The following KIF26B variants were observed in gnomAD, a reference collection of about 807,000 sequenced individuals.
The protein encoded by KIF26B is kinesin-like protein KIF26B.
A neutral mutation model predicts 151.2 loss-of-function variants in KIF26B; 63 were observed. The observed-to-expected ratio is 0.42, with a 90% CI of 0.34 to 0.51. The LOEUF (loss-of-function observed/expected upper bound fraction) is 0.51. KIF26B is among the 20% of genes least tolerant of loss of function. The probability of loss-of-function intolerance (pLI) is 0.07; values close to 1 mark genes in which losing one functional copy is unlikely to be tolerated. For synonymous variants in KIF26B, 1,357 were observed against 1,262.1 expected (o/e 1.08, Z -1.59); for missense variants, 2,813 against 2,913.6 (o/e 0.97, Z 0.79).
At chr1:245,173,006 C>A (rs962479541) in intron 2 of KIF26B, among the ~76,000 whole-genome samples, 1 of 152,216 alleles carries the variant, frequency 6.6e-6, no homozygotes, top group Non-Finnish European at 1.5e-5. Flanking sequence ...ACCCAAGTGT[C>A]TGCTGACACA....
At chr1:245,670,128 A>G (rs10924296) in intron 10 of KIF26B, among the ~76,000 whole-genome samples, 9,948 of 152,064 alleles carry the variant, frequency 0.065, 981 homozygotes, top group African/African-American at 0.21. Flanking sequence ...AAAGCTATTA[A>G]ATAAAATAAA....
In KIF26B at chr1:245,215,215, G is replaced by A. The variant is rs1669619851; in HGVS notation, c.465+58532G>A. Among the ~76,000 whole-genome samples the A allele has an allele frequency of 1.3e-5, 2 of 152,126 alleles. 1 individual carries two copies. The highest frequency in any genetic ancestry group is 4.1e-4 in the South Asian group (2 of 4,826). ...CTGGGTTTCTGGGTGCCAGATGGCAGCCACCATGGGAGGAAGGGTGGCCGA... is the reference window on the plus strand; with the variant it reads ...CTGGGTTTCTGGGTGCCAGATGGCAACCACCATGGGAGGAAGGGTGGCCGA... On this transcript the variant is annotated intron_variant, in intron 2 of 14. Transcript: ENST00000407071.
intron 2 of KIF26B, among the ~76,000 whole-genome samples, chr1:245,201,327 A>G (rs1336959493): frequency 3.9e-5 from 6 of 152,256 alleles, no homozygotes; most frequent in Admixed American, 6.5e-5. Context: ...AATCCTGATC[A>G]TGGAGCAAGC....
chr1:245,397,275 G>T (rs957633623), intron 3 of KIF26B, among the ~76,000 whole-genome samples: 3 of 151,344 alleles, frequency 2.0e-5, no homozygotes, highest in Non-Finnish European at 4.4e-5. Context: ...GGGTGCAATG[G>T]CATGATCCCA....
rs2044782458 is a variant in KIF26B at position 245,702,228 on chromosome 1, A to G, written c.6179-230A>G. Among the ~76,000 whole-genome samples the G allele has an allele frequency of 6.6e-6, 1 of 152,178 alleles. No individual in the cohort carries two copies. Among genetic ancestry groups the G allele is most frequent in the Non-Finnish European group, 1.5e-5 (1 of 68,018 alleles). On this transcript the variant is annotated intron_variant, in intron 14 of 14. Transcript: ENST00000407071. This position sits in a 1 kb window ranked among gnomAD's most constrained non-coding sequence, Gnocchi z 4.1. ...CTAGAATGTCACCTTATTGGTCAGT[A>G]GAATCTCAGAAAAAACCTTAAGGAT...
intron 2 of KIF26B, among the ~76,000 whole-genome samples, chr1:245,210,716 C>T (rs1326698003): frequency 6.6e-6 from 1 of 152,104 alleles, no homozygotes. Flanking sequence ...AGTCCCAGAG[C>T]CTGTGGTAGG....
chr1:245,446,669 A>G (rs1659257106), intron 4 of KIF26B, among the ~76,000 whole-genome samples: 1 of 152,214 alleles, frequency 6.6e-6, no homozygotes, highest in Non-Finnish European at 1.5e-5. Flanking sequence ...AGTAATAGAA[A>G]GAATAACTCC....
At chr1:245,238,040 A>AT (rs34032750) in intron 2 of KIF26B, among the ~76,000 whole-genome samples, 88,027 of 149,150 alleles carry the variant, frequency 0.59, 26,662 homozygotes, top group Non-Finnish European at 0.67. Context: ...AAAAAAAAAA[A>AT]GTTGTTATTT....
chr1:245,477,137 CTTA>C (rs1660057282), intron 4 of KIF26B, among the ~76,000 whole-genome samples: 1 of 151,806 alleles, frequency 6.6e-6, no homozygotes, highest in Non-Finnish European at 1.5e-5. Context: ...TGGTTTCACC[CTTA>C]TTTTTTAATT....
intron 2 of KIF26B, among the ~76,000 whole-genome samples, chr1:245,283,973 G>A (rs115531810): frequency 0.048 from 7,364 of 152,122 alleles, 254 homozygotes; most frequent in African/African-American, 0.087. Flanking sequence ...GGCGTGAGCC[G>A]CTGCGCACCG....
At chr1:245,529,646 G>A (rs965999738) in intron 4 of KIF26B, among the ~76,000 whole-genome samples, 4 of 152,020 alleles carry the variant, frequency 2.6e-5, no homozygotes, top group Non-Finnish European at 5.9e-5. Flanking sequence ...GCAAACATTC[G>A]TAGTTACTTG....
At chr1:245,412,334 G>A (rs561087202) in intron 3 of KIF26B, among the ~76,000 whole-genome samples, 117 of 152,298 alleles carry the variant, frequency 7.7e-4, no homozygotes, top group African/African-American at 2.5e-3. Context: ...TGGGATTTGA[G>A]GAGGGGGAGC....
At chr1:245,252,461 A>G (rs1670462260) in intron 2 of KIF26B, among the ~76,000 whole-genome samples, 1 of 151,986 alleles carries the variant, frequency 6.6e-6, no homozygotes, top group African/African-American at 2.4e-5. Flanking sequence ...GTTACTGTGA[A>G]TGGATTGTTC....
chr1:245,441,970 T>C (rs1277013546), intron 4 of KIF26B, among the ~76,000 whole-genome samples: 1 of 152,208 alleles, frequency 6.6e-6, no homozygotes, highest in Non-Finnish European at 1.5e-5. Context: ...ATCTGGCCCT[T>C]TGATGGCTTT....
intron 4 of KIF26B, among the ~76,000 whole-genome samples, chr1:245,429,635 T>A (rs1768094): frequency 0.23 from 34,635 of 152,054 alleles, 4,166 homozygotes; most frequent in African/African-American, 0.26. Context: ...TTGTTTTGAG[T>A]TGCAGTCTCG....
Position 245,686,794 on chromosome 1 carries a change from G to A in KIF26B, c.3811G>A (p.Ala1271Thr), listed in dbSNP as rs1008076995. The A allele has an allele frequency of 6.8e-6, 11 of 1,613,230 alleles. No individual in the cohort carries two copies. The highest frequency in any genetic ancestry group is 1.3e-5 in the African/African-American group (1 of 74,962). Residue 1271 changes from alanine to threonine, a missense_variant, in exon 12 of 15, where the codon GCA (alanine) becomes ACA (threonine). Physicochemically the swap from Ala to Thr is moderately conservative, Grantham distance 58 (BLOSUM62 0). Transcript: ENST00000407071. The surrounding 1 kb of genome is among the most constrained non-coding windows in gnomAD (Gnocchi z 5.6). ...KMSLDEKAQD[A>T]GSRRSSISSW... The stretch of plus-strand genomic sequence containing the variant: ...GAGCCTGGATGAGAAGGCCCAGGAC[G>A]CAGGGAGCAGACGCTCTTCCATCAG...
At chr1:245,581,766 A>G (rs1423819822) in intron 5 of KIF26B, among the ~76,000 whole-genome samples, 1 of 152,136 alleles carries the variant, frequency 6.6e-6, no homozygotes, top group Non-Finnish European at 1.5e-5. Context: ...TAGAAACCCA[A>G]CAAGGCAGGC....
Position 245,602,626 on chromosome 1 carries a change from A to T in KIF26B, c.1400A>T (p.Glu467Val). The change falls in exon 6 of 15, where the codon GAA (glutamate) becomes GTA (valine). Residue 467 changes from glutamate to valine, a missense_variant. Physicochemically the swap from Glu to Val is moderately radical, Grantham distance 121. Transcript: ENST00000407071. The surrounding 1 kb of genome is among the most constrained non-coding windows in gnomAD (Gnocchi z 4.5). ...TCCACCTTGGCTCGAGATACTTCAGAATCCAGCTCTTTCTTAAAGGTGGAC... is the reference window on the plus strand; with the variant it reads ...TCCACCTTGGCTCGAGATACTTCAGTATCCAGCTCTTTCTTAAAGGTGGAC... ...ICSTLARDTS[E>V]SSSFLKVDPR... is the part of the protein sequence containing the mutation. 6.2e-7 allele frequency: 1 copy of T among 1,614,012 alleles called. No homozygotes were observed. Among genetic ancestry groups the T allele is most frequent in the Non-Finnish European group, 8.5e-7 (1 of 1,179,874 alleles).
intron 2 of KIF26B, among the ~76,000 whole-genome samples, chr1:245,363,157 G>A (rs1358635630): frequency 2.0e-5 from 3 of 152,170 alleles, no homozygotes; most frequent in African/African-American, 7.2e-5. Flanking sequence ...AGGAAAGCAT[G>A]GTATAATTCG....
Sources: allele counts gnomAD v4.1 joint callset (sites outside exome capture counted in the v4.1 genomes callset), GRCh38; gene constraint gnomAD v4.1.1; non-coding constraint Gnocchi (gnomAD v3.1); transcripts MANE v1.5; gene names NCBI Gene and HGNC (gene_info 2026-07-23, HGNC 2026-07-21).